Variants in NSMCE2 observed in about 807,000 individuals in gnomAD.
The protein encoded by NSMCE2 is NSE2 SUMO ligase component of SMC5/6 complex, also known as E3 SUMO-protein ligase NSE2.
NSMCE2 carries 24 observed loss-of-function variants against 23.8 expected under a neutral mutation model. The observed-to-expected ratio is 1.01, with a 90% confidence interval of 0.73 to 1.42. NSMCE2 has a LOEUF of 1.42. NSMCE2 is among the 40% of genes most tolerant of loss of function. NSMCE2 has a pLI of 0.00. For missense variants in NSMCE2, 284 were observed against 296.5 expected (o/e 0.96, Z 0.31); for synonymous variants, 92 against 94.1 (o/e 0.98, Z 0.13).
chr8:125,257,597 G>T (rs1468246077), intron 5 of NSMCE2, among the ~76,000 whole-genome samples: 1 of 134,476 alleles, frequency 7.4e-6, no homozygotes, highest in Non-Finnish European at 1.5e-5. Context: ...GCAGTGGCGC[G>T]ATCTCAGCTC....
intron 5 of NSMCE2, among the ~76,000 whole-genome samples, chr8:125,258,675 G>A (rs1463360135): frequency 6.6e-6 from 1 of 152,212 alleles, no homozygotes; most frequent in African/African-American, 2.4e-5. Flanking sequence ...ACTCAAGAAT[G>A]AGAAAAGCCA....
chr8:125,096,065 C>T (rs1817915051), intron 1 of NSMCE2, among the ~76,000 whole-genome samples: 1 of 152,104 alleles, frequency 6.6e-6, no homozygotes. Context: ...AGTTTTCCTC[C>T]AAGCAGTGAT....
chr8:125,153,267 A>C (rs1299069604), intron 4 of NSMCE2, among the ~76,000 whole-genome samples: 1 of 152,174 alleles, frequency 6.6e-6, no homozygotes, highest in Non-Finnish European at 1.5e-5. Flanking sequence ...ACTAGAATAG[A>C]CTGGAACAAC....
chr8:125,160,102 A>G (rs1821529279), intron 4 of NSMCE2, among the ~76,000 whole-genome samples: 1 of 152,206 alleles, frequency 6.6e-6, no homozygotes, highest in South Asian at 2.1e-4. Context: ...AAAAACGTGC[A>G]TAGGAAATTC....
At position 125,151,236 on chromosome 8, in the gene NSMCE2, C is replaced by A; in HGVS notation, c.223C>A (p.Leu75Ile). 3.1e-6 allele frequency: 5 copies of A among 1,606,164 alleles called. No homozygotes were observed. The highest frequency in any genetic ancestry group is 4.3e-6 in the Non-Finnish European group (5 of 1,173,488). ...MVEFATLDRQ[L>I]NHYVKAVQST... Reference sequence around the variant, plus strand: ...TGAATTTGCTACATTGGATCGGCAACTAAACCATTATGTAAAGGCTGTTCA... The same window carrying A: ...TGAATTTGCTACATTGGATCGGCAAATAAACCATTATGTAAAGGCTGTTCA... The change falls in exon 4 of 8, where the codon CTA becomes ATA. Residue 75 changes from leucine to isoleucine, a missense_variant. By Grantham distance (5) the Leu-to-Ile change is conservative. This residue lies in a region of NSMCE2 where 182 missense variants were observed against 155.5 expected (regional missense o/e 1.17). Coordinates refer to ENST00000287437, the MANE Select transcript of NSMCE2 (RefSeq NM_173685.4).
chr8:125,156,699 G>T (rs1271544483), intron 4 of NSMCE2, among the ~76,000 whole-genome samples: 3 of 152,120 alleles, frequency 2.0e-5, no homozygotes, highest in Non-Finnish European at 4.4e-5. Flanking sequence ...AAATGTACTT[G>T]ATGTATGCTA....
At chr8:125,321,338 TA>T (rs915603571) in intron 5 of NSMCE2, among the ~76,000 whole-genome samples, 6 of 152,324 alleles carry the variant, frequency 3.9e-5, no homozygotes, top group African/African-American at 1.4e-4. Context: ...GTATCATATG[TA>T]AAAGTAAAAT....
At chr8:125,214,450 C>T (rs1267046898) in intron 5 of NSMCE2, among the ~76,000 whole-genome samples, 8 of 152,140 alleles carry the variant, frequency 5.3e-5, no homozygotes, top group Admixed American at 3.3e-4. Context: ...GTCATGGGGG[C>T]TCACGGTCTC....
At chr8:125,244,927 C>T (rs1424591217) in intron 5 of NSMCE2, among the ~76,000 whole-genome samples, 1 of 152,060 alleles carries the variant, frequency 6.6e-6, no homozygotes, top group Non-Finnish European at 1.5e-5. Flanking sequence ...AAGTAATTTA[C>T]AAGATCAATT....
At chr8:125,175,786 C>T (rs959314651) in intron 4 of NSMCE2, among the ~76,000 whole-genome samples, 2 of 152,208 alleles carry the variant, frequency 1.3e-5, no homozygotes, top group African/African-American at 4.8e-5. Context: ...TAAGTAATTA[C>T]ATGTGCATAC....
chr8:125,328,906 A>G (rs148657901), intron 5 of NSMCE2, among the ~76,000 whole-genome samples: 101 of 152,240 alleles, frequency 6.6e-4, no homozygotes, highest in South Asian at 1.0e-3. Flanking sequence ...TTTCAGTGAG[A>G]CCCGAAGTCA....
intron 5 of NSMCE2, among the ~76,000 whole-genome samples, chr8:125,330,177 CTTTCTT>C (rs1277690250): frequency 8.4e-6 from 1 of 119,122 alleles, no homozygotes; most frequent in South Asian, 2.4e-4. Flanking sequence ...TTTCTTTTTT[CTTTCTT>C]TTTTTTTTTT....
intron 5 of NSMCE2, among the ~76,000 whole-genome samples, chr8:125,333,748 C>T (rs1829971520): frequency 6.6e-6 from 1 of 151,726 alleles, no homozygotes; most frequent in South Asian, 2.1e-4. Flanking sequence ...CTCCTGACCT[C>T]GTGATCCGCC....
At chr8:125,170,624 T>A (rs952017689) in intron 4 of NSMCE2, among the ~76,000 whole-genome samples, 1 of 152,088 alleles carries the variant, frequency 6.6e-6, no homozygotes, top group Non-Finnish European at 1.5e-5. Context: ...GCCAGGCTGG[T>A]CTCGAACTCC....
At chr8:125,186,020 C>T (rs1181928722) in intron 5 of NSMCE2, among the ~76,000 whole-genome samples, 2 of 152,126 alleles carry the variant, frequency 1.3e-5, no homozygotes, top group Non-Finnish European at 2.9e-5. Context: ...AGATCTAGGC[C>T]TGGGGTCAGT....
intron 5 of NSMCE2, among the ~76,000 whole-genome samples, chr8:125,239,237 A>G (rs566597794): frequency 6.3e-4 from 96 of 152,314 alleles, no homozygotes; most frequent in African/African-American, 2.1e-3. Context: ...GCCTATCACC[A>G]TATTTGAGAA....
At chr8:125,293,056 A>G (rs1014637796) in intron 5 of NSMCE2, among the ~76,000 whole-genome samples, 1 of 152,234 alleles carries the variant, frequency 6.6e-6, no homozygotes, top group African/African-American at 2.4e-5. Flanking sequence ...GCTCTTGTCC[A>G]TGATGACAGT....
rs533781504 is a variant in NSMCE2 at position 125,238,249 on chromosome 8, A to G, written c.418+55993A>G. Among the ~76,000 whole-genome samples, 9 of 152,296 alleles carry G rather than the reference A, an allele frequency of 5.9e-5. No individual in the cohort carries two copies. In the South Asian group the frequency reaches 1.9e-3, roughly 32 times the overall value. On this transcript the variant is annotated intron_variant, in intron 5 of 7. Coordinates refer to ENST00000287437, the MANE Select transcript of NSMCE2 (RefSeq NM_173685.4). ...AGTAGAGCAGGCAGGGAACGAGGTT[A>G]TAGAAACTTTTTATTCCATTTCCAT... is the stretch of plus-strand genomic sequence containing the variant.
At chr8:125,123,126 A>G (rs1048404127) in intron 3 of NSMCE2, among the ~76,000 whole-genome samples, 2 of 152,188 alleles carry the variant, frequency 1.3e-5, no homozygotes, top group Non-Finnish European at 2.9e-5. Flanking sequence ...GCAAATATAT[A>G]TATATATTTT....
Sources: allele counts gnomAD v4.1 joint callset (sites outside exome capture counted in the v4.1 genomes callset), GRCh38; gene constraint gnomAD v4.1.1; regional missense constraint gnomAD v4.1.1; transcripts MANE v1.5; gene names NCBI Gene and HGNC (gene_info 2026-07-23, HGNC 2026-07-21).